Variants in MCF2L observed in about 807,000 individuals in gnomAD.
MCF2L encodes MCF.2 cell line derived transforming sequence like.
A neutral mutation model predicts 153.4 loss-of-function variants in MCF2L; 97 were observed. The observed-to-expected ratio is 0.63, with a 90% CI of 0.54 to 0.75. The LOEUF (loss-of-function observed/expected upper bound fraction) is 0.75. Ranked by LOEUF, MCF2L falls within the 30% of genes least tolerant of loss-of-function variation. The pLI, the probability that MCF2L is intolerant of heterozygous loss-of-function variation, is 0.00. For missense variants in MCF2L, 1,347 were observed against 1,495.2 expected, an observed-to-expected ratio of 0.90 and a Z score of 1.64; for synonymous variants, 659 against 632.2, an observed-to-expected ratio of 1.04 and a Z score of -0.64.
intron 5 of MCF2L, among the ~76,000 whole-genome samples, chr13:113,061,349 C>CCGGG (rs2031371414): frequency 1.3e-5 from 2 of 152,118 alleles, no homozygotes; most frequent in Non-Finnish European, 2.9e-5. Flanking sequence ...CCTGTGGAGC[C>CCGGG]CGGTCACCAG....
intron 1 of MCF2L, chr13:113,010,450 G>A (rs962202765): frequency 6.6e-6 from 1 of 152,176 alleles, no homozygotes; most frequent in Non-Finnish European, 1.5e-5. Flanking sequence ...AAAGTCAGTG[G>A]TGGGGCCTCA....
chr13:112,980,225 C>A (rs948639217), intron 1 of MCF2L, among the ~76,000 whole-genome samples: 5 of 152,248 alleles, frequency 3.3e-5, no homozygotes, highest in Non-Finnish European at 7.3e-5. Flanking sequence ...CACGTTTGCT[C>A]GGCCTGATGG....
rs367821039 is a variant in MCF2L at position 112,917,814 on chromosome 13, T to G, written c.169+15443T>G. Among the ~76,000 whole-genome samples the G allele has an allele frequency of 5.3e-5, 8 of 152,326 alleles. No homozygotes were observed. The East Asian group carries it at 1.5e-3, about 29-fold the overall frequency. ...CTCTTGTTTGCTGCGGGGGTTCTCC[T>G]TACTAAGGTTGAAGACTTACAAGAA... On this transcript the variant is annotated intron_variant, in intron 2 of 29. Coordinates refer to the MCF2L transcript ENST00000375608.
At chr13:112,913,759 C>T (rs1458536146) in intron 2 of MCF2L, among the ~76,000 whole-genome samples, 16 of 152,048 alleles carry the variant, frequency 1.1e-4, no homozygotes, top group African/African-American at 2.9e-4. Flanking sequence ...CAAATAGATT[C>T]GTTGACGTCC....
At position 112,925,733 on chromosome 13, in the gene MCF2L, T is replaced by C. The variant is rs555935992; in HGVS notation, c.169+23362T>C. 2.0e-5 allele frequency among the ~76,000 whole-genome samples: 3 copies of C among 152,224 alleles called. No homozygotes were observed. The South Asian group carries it at 6.2e-4, about 32-fold the overall frequency. ...GCTGACCTGGGCAGTGGTCACTGGG[T>C]ACATACATACGTTTGATGTGATAAA... On this transcript the variant is annotated intron_variant, in intron 2 of 29. Coordinates refer to the MCF2L transcript ENST00000375608.
chr13:113,085,025 C>G, intron 19 of MCF2L, 41 bp downstream of exon 19: 2 of 1,611,950 alleles, frequency 1.2e-6, no homozygotes. Context: ...ACTCCCTTTC[C>G]TAGCCGACTC....
At chr13:113,018,904 A>G (rs1421879100) in intron 2 of MCF2L, among the ~76,000 whole-genome samples, 3 of 152,162 alleles carry the variant, frequency 2.0e-5, no homozygotes, top group African/African-American at 7.2e-5. Context: ...GGAATGTGGC[A>G]TGGTCAGCGG....
intron 17 of MCF2L, among the ~76,000 whole-genome samples, 174 bp downstream of exon 17, chr13:113,082,716 T>C (rs1334119271): frequency 2.0e-5 from 3 of 152,202 alleles, no homozygotes; most frequent in Non-Finnish European, 4.4e-5. Context: ...GGGCCATCTC[T>C]GAGCGCCCAC....
chr13:112,895,203 G>T (rs2081055040), intron 1 of MCF2L, among the ~76,000 whole-genome samples: 1 of 152,152 alleles, frequency 6.6e-6, no homozygotes, highest in South Asian at 2.1e-4. Flanking sequence ...GGGAGGGCTG[G>T]GCCAGAGGGG....
intron 1 of MCF2L, among the ~76,000 whole-genome samples, chr13:113,006,893 C>G (rs995718730): frequency 2.0e-5 from 3 of 152,164 alleles, no homozygotes; most frequent in Non-Finnish European, 4.4e-5. Flanking sequence ...GGGGAGGCAG[C>G]GGAGCCATGG....
intron 1 of MCF2L, among the ~76,000 whole-genome samples, chr13:112,998,597 A>C (rs1294999473): frequency 6.6e-6 from 1 of 152,168 alleles, no homozygotes; most frequent in East Asian, 1.9e-4. Flanking sequence ...TCGTGTGTTC[A>C]AAATGTGTGT....
rs768269006 is a variant in MCF2L, at chr13:113,096,445, C to A, written c.3150C>A (p.Asp1050Glu). Reference sequence around the variant, plus strand: ...ATGCGCTGCGCGTGAGGAGCGGGGACGTGGTGGAGCTGGTGCAGGAGGGCG... The same window carrying A: ...ATGCGCTGCGCGTGAGGAGCGGGGAAGTGGTGGAGCTGGTGCAGGAGGGCG... ...GPDALRVRSGDVVELVQEGDE... is the reference protein window; with the variant it reads ...GPDALRVRSGEVVELVQEGDE... The change falls in exon 28 of 30, where the codon GAC becomes GAA. Residue 1050 changes from aspartate to glutamate, a missense_variant. Around this residue, in one of 3 missense-constraint regions of MCF2L, gnomAD observed 383 missense variants for 335.4 expected, o/e 1.14. Transcript: ENST00000535094. The A allele has an allele frequency of 1.3e-5, 20 of 1,593,668 alleles. No individual in the cohort carries two copies. The highest frequency in any genetic ancestry group is 1.5e-5 in the Non-Finnish European group (18 of 1,171,452).
rs1566853040 is a variant in MCF2L, at chr13:113,077,224, GC to G, written c.1660+16del. 6.5e-7 allele frequency: 1 copy of G among 1,537,022 alleles called. No homozygotes were observed. The highest frequency in any genetic ancestry group is 1.4e-5 in the African/African-American group (1 of 72,854). On this transcript the variant is annotated intron_variant, in intron 13 of 29. Transcript: ENST00000535094. ...TGCCCCTCCCCAGGTCTGTGTGGCC[GC>G]CCGGTGCCCCGGGTGCTGTGGGACC...
At chr13:112,927,144 C>T (rs890367521) in intron 2 of MCF2L, among the ~76,000 whole-genome samples, 3 of 152,178 alleles carry the variant, frequency 2.0e-5, no homozygotes, top group Non-Finnish European at 2.9e-5. Flanking sequence ...TGAACTCTCC[C>T]GTGGCATGGC....
intron 21 of MCF2L, among the ~76,000 whole-genome samples, 175 bp from the exon 22 acceptor site, chr13:113,087,060 G>A (rs2034702708): frequency 1.3e-5 from 2 of 152,124 alleles, no homozygotes; most frequent in African/African-American, 2.4e-5. Context: ...TCCTCCCCCA[G>A]CCCCTGGCAC....
intron 2 of MCF2L, among the ~76,000 whole-genome samples, chr13:113,015,213 G>A (rs950566017): frequency 6.6e-6 from 1 of 152,236 alleles, no homozygotes; most frequent in Non-Finnish European, 1.5e-5. Flanking sequence ...CCCAGGCCAC[G>A]CCTCTGTCCA....
Position 113,078,411 on chromosome 13 carries a change from G to T in MCF2L, c.1709G>T (p.Arg570Leu), listed in dbSNP as rs200280099. Reference protein sequence around the residue: ...ENSSSEGGALRRGPYRRAKSE... With the variant: ...ENSSSEGGALLRGPYRRAKSE... Reference sequence around the variant, plus strand: ...TCCAGCTCCGAGGGCGGTGCGCTCCGGAGAGGGCCCTACCGGAGGGCCAAG... The same window carrying T: ...TCCAGCTCCGAGGGCGGTGCGCTCCTGAGAGGGCCCTACCGGAGGGCCAAG... Residue 570 changes from arginine to leucine, a missense_variant, in exon 14 of 30, where the codon CGG becomes CTG. Transcript: ENST00000535094. The T allele has an allele frequency of 6.2e-7, 1 of 1,612,650 alleles. No individual in the cohort carries two copies. Among genetic ancestry groups the T allele is most frequent in the South Asian group, 1.1e-5 (1 of 90,972 alleles).
intron 2 of MCF2L, among the ~76,000 whole-genome samples, chr13:112,945,934 C>G (rs534796961): frequency 1.3e-5 from 2 of 152,246 alleles, no homozygotes; most frequent in South Asian, 4.2e-4. Context: ...TTGGGACTGT[C>G]CCTGTGGCTT....
At chr13:112,999,204 C>T (rs139721374) in intron 1 of MCF2L, among the ~76,000 whole-genome samples, 3 of 152,274 alleles carry the variant, frequency 2.0e-5, no homozygotes, top group Non-Finnish European at 2.9e-5. Context: ...GTGACTGTTG[C>T]GTGGCCCCCT....
Sources: gnomAD v4.1 joint callset for allele counts (sites outside exome capture counted in the v4.1 genomes callset) on GRCh38, gnomAD v4.1.1 for gene constraint, gnomAD v4.1.1 regional missense constraint, MANE v1.5 for transcripts, NCBI Gene and HGNC (gene_info 2026-07-23, HGNC 2026-07-21) for gene names.